Variants in KCNIP4 observed in about 807,000 individuals in gnomAD.
The protein encoded by KCNIP4 is Kv channel-interacting protein 4.
In KCNIP4, 12 loss-of-function variants were observed where a neutral mutation model predicts 34.0. The observed-to-expected ratio is 0.35, with a 90% CI of 0.23 to 0.57. KCNIP4 has a LOEUF of 0.57. KCNIP4 is among the 20% of genes least tolerant of loss of function. The probability of loss-of-function intolerance (pLI) is 0.83; values close to 1 mark genes in which losing one functional copy is unlikely to be tolerated. For synonymous variants in KCNIP4, 124 were observed against 102.2 expected, an observed-to-expected ratio of 1.21 and a Z score of -1.29; for missense variants, 238 against 311.7, an observed-to-expected ratio of 0.76 and a Z score of 1.78.
chr4:20,738,662 C>T lies in KCNIP4; in HGVS notation c.430-3927G>A, dbSNP rs138174237. ...ACATAGGAACAGCTCCAGTCTACAG[C>T]TCCCAGCATGAGCAACGCAGAAGAT... On this transcript the variant is annotated intron_variant, in intron 5 of 8. Coordinates refer to ENST00000382152, the MANE Select transcript of KCNIP4 (RefSeq NM_025221.6). 4.1e-3 allele frequency among the ~76,000 whole-genome samples: 628 copies of T among 152,340 alleles called. 9 individuals carry two copies. Among genetic ancestry groups the T allele is most frequent in the African/African-American group, 0.014 (594 of 41,580 alleles).
intron 1 of KCNIP4, among the ~76,000 whole-genome samples, chr4:21,938,865 A>C (rs764279425): frequency 2.6e-5 from 4 of 152,190 alleles, no homozygotes; most frequent in Non-Finnish European, 5.9e-5. Flanking sequence ...TTAAACAATT[A>C]ACATATCTTT....
intron 1 of KCNIP4, among the ~76,000 whole-genome samples, chr4:20,974,440 A>C (rs1735284551): frequency 7.3e-6 from 1 of 136,574 alleles, no homozygotes; most frequent in Non-Finnish European, 1.5e-5. Context: ...GCTGAAATGG[A>C]GGAAGGGTGG....
rs143687627 is a variant in KCNIP4 at position 21,560,088 on chromosome 4, C to A, written c.61+388483G>T. Among the ~76,000 whole-genome samples the A allele has an allele frequency of 1.1e-3, 171 of 152,044 alleles. 1 individual carries two copies. Among genetic ancestry groups the A allele is most frequent in the Non-Finnish European group, 2.1e-3 (144 of 67,974 alleles). On this transcript the variant is annotated intron_variant, in intron 1 of 8. Coordinates refer to ENST00000382152, the MANE Select transcript of KCNIP4 (RefSeq NM_025221.6). ...TCTGTATATAGCCATTTGTTTTTCT[C>A]CCCCTGGAGAACTAATTCATATATA...
At chr4:21,106,628 G>A (rs1208598696) in intron 1 of KCNIP4, among the ~76,000 whole-genome samples, 1 of 151,354 alleles carries the variant, frequency 6.6e-6, no homozygotes, top group Non-Finnish European at 1.5e-5. Context: ...GTTATTTCCT[G>A]CCTTCTGCTA....
At chr4:21,146,287 A>G (rs1320834113) in intron 1 of KCNIP4, among the ~76,000 whole-genome samples, 1 of 152,096 alleles carries the variant, frequency 6.6e-6, no homozygotes, top group Non-Finnish European at 1.5e-5. Context: ...AGTCCCAGCT[A>G]CTCAGGAGGC....
At chr4:21,585,183 CA>C in intron 1 of KCNIP4, among the ~76,000 whole-genome samples, 1 of 152,112 alleles carries the variant, frequency 6.6e-6, no homozygotes, top group Admixed American at 6.6e-5. Context: ...TTTCTCATGA[CA>C]GTGCTATGAG....
At chr4:21,900,113 A>C (rs189973643) in intron 1 of KCNIP4, among the ~76,000 whole-genome samples, 14 of 152,324 alleles carry the variant, frequency 9.2e-5, no homozygotes, top group Non-Finnish European at 2.9e-5. Context: ...TCTAATAGCA[A>C]TAGTTTTTCT....
In KCNIP4 at chr4:21,410,467, G is replaced by C. The variant is rs974095326; in HGVS notation, c.62-527758C>G. On this transcript the variant is annotated intron_variant, in intron 1 of 8. Transcript: ENST00000382152. ...GCATCACTGTCTCTGGGGGAAGCCAGCTTTCATGTTGTGAAGACATTCAAG... is the reference window on the plus strand; with the variant it reads ...GCATCACTGTCTCTGGGGGAAGCCACCTTTCATGTTGTGAAGACATTCAAG... Among the ~76,000 whole-genome samples the C allele has an allele frequency of 2.0e-5, 3 of 152,162 alleles. No homozygotes were observed. The South Asian group carries it at 6.2e-4, about 32-fold the overall frequency.
intron 1 of KCNIP4, among the ~76,000 whole-genome samples, chr4:21,656,180 G>A (rs747861460): frequency 6.6e-5 from 10 of 152,062 alleles, no homozygotes; most frequent in Non-Finnish European, 1.0e-4. Context: ...TGGTTTGCTG[G>A]CAATCTTGGT....
chr4:21,482,466 T>A (rs1240005162), intron 1 of KCNIP4, among the ~76,000 whole-genome samples: 1 of 152,212 alleles, frequency 6.6e-6, no homozygotes, highest in Admixed American at 6.5e-5. Flanking sequence ...TTCCTTTCCA[T>A]GTTTAGTGCT....
chr4:21,124,101 G>T (rs1405586314), intron 1 of KCNIP4, among the ~76,000 whole-genome samples: 1 of 151,346 alleles, frequency 6.6e-6, no homozygotes, highest in Non-Finnish European at 1.5e-5. Context: ...GAAGGACACT[G>T]TTTTACATTT....
intron 1 of KCNIP4, among the ~76,000 whole-genome samples, chr4:21,509,928 G>C (rs1734165822): frequency 6.6e-6 from 1 of 152,050 alleles, no homozygotes; most frequent in African/African-American, 2.4e-5. Context: ...GACCAGCCTG[G>C]CCAACATGGT....
At chr4:21,876,172 A>C (rs570666789) in intron 1 of KCNIP4, among the ~76,000 whole-genome samples, 2 of 152,326 alleles carry the variant, frequency 1.3e-5, no homozygotes, top group East Asian at 1.9e-4. Flanking sequence ...GATACACTTC[A>C]CTATGAACGT....
chr4:21,763,469 G>C (rs1395934309), intron 1 of KCNIP4, among the ~76,000 whole-genome samples: 1 of 152,044 alleles, frequency 6.6e-6, no homozygotes, highest in Non-Finnish European at 1.5e-5. Flanking sequence ...GATTCTACTG[G>C]CTAATAAAAA....
intron 1 of KCNIP4, among the ~76,000 whole-genome samples, chr4:21,865,234 T>G (rs182995059): frequency 9.3e-5 from 14 of 150,902 alleles, no homozygotes; most frequent in Admixed American, 9.2e-4. Context: ...TAGATCCCCA[T>G]AGGAAGCAAA....
intron 5 of KCNIP4, among the ~76,000 whole-genome samples, chr4:20,736,319 C>T (rs185593706): frequency 3.2e-4 from 49 of 152,176 alleles, no homozygotes; most frequent in Admixed American, 8.5e-4. Flanking sequence ...GTTTATTTAA[C>T]CAAATTGTTC....
At chr4:21,670,615 C>T (rs548646409) in intron 1 of KCNIP4, among the ~76,000 whole-genome samples, 2 of 152,172 alleles carry the variant, frequency 1.3e-5, no homozygotes, top group South Asian at 4.2e-4. Flanking sequence ...TGTACTTTAA[C>T]ACCATCTGGT....
At chr4:21,518,362 T>C (rs1252216822) in intron 1 of KCNIP4, among the ~76,000 whole-genome samples, 4 of 152,214 alleles carry the variant, frequency 2.6e-5, no homozygotes, top group Non-Finnish European at 5.9e-5. Context: ...CTAAGACACC[T>C]AGTAGAAACC....
At chr4:21,505,556 T>C (rs1733773235) in intron 1 of KCNIP4, among the ~76,000 whole-genome samples, 1 of 152,172 alleles carries the variant, frequency 6.6e-6, no homozygotes, top group African/African-American at 2.4e-5. Context: ...CCTGGACAAA[T>C]CCTATTTTCC....
Sources: allele counts gnomAD v4.1 joint callset (sites outside exome capture counted in the v4.1 genomes callset), GRCh38; gene constraint gnomAD v4.1.1; transcripts MANE v1.5; gene names NCBI Gene and HGNC (gene_info 2026-07-23, HGNC 2026-07-21).